Variants in ASAH1 observed in about 807,000 individuals in gnomAD.
ASAH1 encodes acid ceramidase.
A neutral mutation model predicts 59.5 loss-of-function variants in ASAH1; 70 were observed. That is an observed-to-expected ratio of 1.18 (90% CI 0.97 to 1.43). ASAH1 has a LOEUF of 1.43. Among genes scored for constraint, ASAH1 ranks in the 40% most tolerant of loss-of-function variants. ASAH1 has a pLI of 0.00. For synonymous variants in ASAH1, 213 were observed against 166.5 expected, an observed-to-expected ratio of 1.28 and a Z score of -2.15; for missense variants, 660 against 482.5, an observed-to-expected ratio of 1.37 and a Z score of -3.45.
chr8:18,081,312 C>T (rs1312887033), intron 1 of ASAH1, among the ~76,000 whole-genome samples: 3 of 152,142 alleles, frequency 2.0e-5, no homozygotes, highest in African/African-American at 7.2e-5. Context: ...CTGGCGCCAC[C>T]ATCCTTCAAC....
chr8:18,076,655 C>G (rs192235754), intron 1 of ASAH1: 1 of 152,230 alleles, frequency 6.6e-6, no homozygotes, highest in East Asian at 1.9e-4. Flanking sequence ...TAAGAAAACT[C>G]TTGGAACTGT....
At chr8:18,070,925 T>C (rs1031353878) in intron 3 of ASAH1, among the ~76,000 whole-genome samples, 3 of 152,032 alleles carry the variant, frequency 2.0e-5, no homozygotes, top group East Asian at 1.9e-4. Flanking sequence ...ATAAGAAATA[T>C]GGCCGGGCAT....
At chr8:18,071,867 G>A (rs1800191286) in intron 2 of ASAH1, among the ~76,000 whole-genome samples, 1 of 152,118 alleles carries the variant, frequency 6.6e-6, no homozygotes, top group Admixed American at 6.5e-5. Context: ...GCCCCAGATG[G>A]CAACATGTAT....
At position 18,058,614 on chromosome 8, in the gene ASAH1, A is replaced by G. The variant is rs1009715351; in HGVS notation, c.1098+221T>C. On this transcript the variant is annotated intron_variant, in intron 13 of 13. Transcript: ENST00000637790. The stretch of plus-strand genomic sequence containing the variant: ...CTTAATTCAAATGCTATGTAAATAA[A>G]GCTATAAACAATATTCTGACCTATC... The G allele has an allele frequency of 2.5e-4, 140 of 564,686 alleles. 1 individual carries two copies. In the East Asian group the frequency reaches 4.0e-3, roughly 16 times the overall value. 35.0% of individuals were successfully genotyped at this position (564,686 alleles called of 1,614,324 possible).
rs17692671 is a variant in ASAH1, at chr8:18,061,961, A to C, written c.649-221T>G. The stretch of plus-strand genomic sequence containing the variant: ...GTATCACTGGCAACGCTTTTTGGAC[A>C]GGAAACTGAAGGGCAGAGAATGAAC... On this transcript the variant is annotated intron_variant, in intron 8 of 13. Coordinates refer to ENST00000637790, the MANE Select transcript of ASAH1 (RefSeq NM_177924.5). The C allele has an allele frequency of 0.057, 35,721 of 627,536 alleles. 3,146 individuals are homozygous for C. The highest frequency in any genetic ancestry group is 0.28 in the East Asian group (10,162 of 36,248). The allele number at this position is 627,536 out of a possible 1,614,324, so 38.9% of individuals were successfully genotyped here.
At chr8:18,067,525 TAC>T in intron 4 of ASAH1, 2 of 195,698 alleles carry the variant, frequency 1.0e-5, no homozygotes, top group East Asian at 2.6e-4. Flanking sequence ...TGGGCCCCTA[TAC>T]AGAGACCAGA....
intron 5 of ASAH1, 89 bp downstream of exon 5, chr8:18,067,131 C>CACCTGTGCTGTATATCTAAGACATACAGA: frequency 7.0e-6 from 4 of 568,126 alleles, no homozygotes; most frequent in South Asian, 5.1e-5. Flanking sequence ...AGACATACAG[C>CACCTGTGCTGTATATCTAAGACATACAGA]ACCTGTGCTG....
At chr8:18,075,650 T>A in intron 1 of ASAH1, 63 bp from the exon 2 acceptor site, 1 of 1,486,760 alleles carries the variant, frequency 6.7e-7, no homozygotes, top group Non-Finnish European at 9.4e-7. Flanking sequence ...AATAAGCAAT[T>A]TCAAAAGTAG....
At chr8:18,067,049 C>A (rs1226637636) in intron 5 of ASAH1, 171 bp downstream of exon 5, 8 of 276,216 alleles carry the variant, frequency 2.9e-5, no homozygotes, top group African/African-American at 1.8e-4. Context: ...GTCATGGCTA[C>A]ATGCATGCAT....
intron 1 of ASAH1, among the ~76,000 whole-genome samples, chr8:18,079,589 G>A (rs7823967): frequency 0.48 from 73,253 of 151,972 alleles, 18,046 homozygotes; most frequent in Non-Finnish European, 0.53. Flanking sequence ...GCTTCTAATA[G>A]TGAATTTTAA....
chr8:18,075,197 G>A (rs1164532226), intron 2 of ASAH1, among the ~76,000 whole-genome samples: 1 of 151,934 alleles, frequency 6.6e-6, no homozygotes, highest in Non-Finnish European at 1.5e-5. Context: ...GGGTTTCACT[G>A]TTAGCCAGCA....
chr8:18,062,002 G>A (rs781083523), intron 8 of ASAH1: 18 of 619,566 alleles, frequency 2.9e-5, no homozygotes, highest in Non-Finnish European at 4.8e-5. Context: ...ACTTGCCTAA[G>A]TGAGCGGAAG....
chr8:18,080,510 C>G (rs1224263120), intron 1 of ASAH1, among the ~76,000 whole-genome samples: 1 of 152,072 alleles, frequency 6.6e-6, no homozygotes, highest in Non-Finnish European at 1.5e-5. Flanking sequence ...ACATAGTTAA[C>G]CTGTCCCAGT....
chr8:18,062,688 CTTATT>C lies in ASAH1; in HGVS notation c.504-270_504-266del, dbSNP rs1389936338. ...AACATAGAATGCTAATTACAATATTCTTATTTTTTCAGAAAGGTCAAGATGGACAC... is the reference window on the plus strand; with the variant it reads ...AACATAGAATGCTAATTACAATATTCTTTTCAGAAAGGTCAAGATGGACAC... On this transcript the variant is annotated intron_variant, in intron 7 of 13. Transcript: ENST00000637790. The C allele has an allele frequency of 1.2e-4, 57 of 473,788 alleles. 1 individual carries two copies. The East Asian group carries it at 2.4e-3, about 20-fold the overall frequency. 29.3% of individuals were successfully genotyped at this position (473,788 alleles called of 1,614,324 possible). A position where few individuals can be genotyped will look rare whatever the true frequency, so the allele number is the denominator to read the frequency against.
At chr8:18,079,780 G>GT (rs1233199050) in intron 1 of ASAH1, among the ~76,000 whole-genome samples, 6 of 152,214 alleles carry the variant, frequency 3.9e-5, no homozygotes, top group Non-Finnish European at 2.9e-5. Context: ...TTGCAGACAA[G>GT]TTTTTCCTAT....
intron 1 of ASAH1, among the ~76,000 whole-genome samples, chr8:18,078,159 G>T (rs6983424): frequency 0.017 from 2,635 of 152,254 alleles, 86 homozygotes; most frequent in African/African-American, 0.06. Flanking sequence ...TAAGTGAAAC[G>T]TAATGACTCC....
chr8:18,057,552 G>T lies in ASAH1; in HGVS notation c.1170C>A (p.Asp390Glu), dbSNP rs1259006454. ...QFETYLRDCP[D>E]PCIGW The stretch of plus-strand genomic sequence containing the variant: ...CGTGTGCTCACCAACCTATACAAGG[G>T]TCAGGGCAGTCCCGCAGGTAAGTTT... The change falls in exon 14 of 14, where the codon GAC (aspartate) becomes GAA (glutamate). Residue 390 changes from aspartate to glutamate, a missense_variant. Coordinates refer to ENST00000637790, the MANE Select transcript of ASAH1 (RefSeq NM_177924.5). 3 of 1,601,262 alleles carry T rather than the reference G, an allele frequency of 1.9e-6. No homozygotes were observed. The Admixed American group carries it at 5.0e-5, about 27-fold the overall frequency.
intron 1 of ASAH1, among the ~76,000 whole-genome samples, chr8:18,079,004 TG>T (rs1260130963): frequency 2.6e-5 from 4 of 152,006 alleles, no homozygotes; most frequent in African/African-American, 7.3e-5. Flanking sequence ...GGGCCAGGCA[TG>T]GTGGCTCATG....
chr8:18,082,047 A>C lies in ASAH1; in HGVS notation c.78+1934T>G, dbSNP rs564987301. ...TAAGAACACGTTTGCAACAATGAAAACTTGAAGTCCATACAATCAGAGTAA... is the reference window on the plus strand; with the variant it reads ...TAAGAACACGTTTGCAACAATGAAACCTTGAAGTCCATACAATCAGAGTAA... On this transcript the variant is annotated intron_variant, in intron 1 of 13. Transcript: ENST00000637790. Among the ~76,000 whole-genome samples, 13 of 152,344 alleles carry C rather than the reference A, an allele frequency of 8.5e-5. No homozygotes were observed. The South Asian group carries it at 2.7e-3, about 32-fold the overall frequency.
Sources: gnomAD v4.1 joint callset for allele counts (sites outside exome capture counted in the v4.1 genomes callset) on GRCh38, gnomAD v4.1.1 for gene constraint, MANE v1.5 for transcripts, NCBI Gene and HGNC (gene_info 2026-07-23, HGNC 2026-07-21) for gene names.